The following RBFOX1 variants were observed in gnomAD, a reference collection of about 807,000 sequenced individuals.
RBFOX1 encodes the protein RNA binding fox-1 homolog 1, also known as RNA binding protein fox-1 homolog 1.
In RBFOX1, 8 loss-of-function variants were observed where a neutral mutation model predicts 57.7. The ratio of observed to expected loss-of-function variants is 0.14; its 90% CI spans 0.08 to 0.25. The LOEUF is 0.25. Among genes scored for constraint, RBFOX1 ranks in the 10% least tolerant of loss-of-function variants. The pLI is 1.00. For missense variants in RBFOX1, 611 were observed against 548.5 expected, an observed-to-expected ratio of 1.11 and a Z score of -1.14; for synonymous variants, 326 against 222.4, an observed-to-expected ratio of 1.47 and a Z score of -4.15.
chr16:7,163,605 A>G (rs1252203247), intron 4 of RBFOX1, among the ~76,000 whole-genome samples: 3 of 151,958 alleles, frequency 2.0e-5, no homozygotes, highest in African/African-American at 7.3e-5. Context: ...AGAGCAGAAT[A>G]AGCTGAGGAC....
rs369512786 is a variant in RBFOX1, at chr16:6,880,573, G to A, written c.-15-171484G>A. 1.6e-4 allele frequency among the ~76,000 whole-genome samples: 25 copies of A among 152,260 alleles called. No individual in the cohort carries two copies. The East Asian group carries it at 3.5e-3, about 21-fold the overall frequency. On this transcript the variant is annotated intron_variant, in intron 3 of 15. Coordinates refer to ENST00000550418, the MANE Select transcript of RBFOX1 (RefSeq NM_018723.4). ...AGACACGTGAACTCGGAGAAGGCCA[G>A]AATCTGTTTTTCTTTCTGGACTGTC...
At chr16:7,710,444 A>G (rs1323025107) in intron 15 of RBFOX1, 179 bp from the exon 16 acceptor site, 1 of 1,429,468 alleles carries the variant, frequency 7.0e-7, no homozygotes, top group Non-Finnish European at 9.1e-7. Flanking sequence ...AGGAGGAGCT[A>G]TTGGGGAAGG....
intron 4 of RBFOX1, among the ~76,000 whole-genome samples, chr16:7,309,262 C>G (rs1285908072): frequency 6.6e-6 from 1 of 152,214 alleles, no homozygotes; most frequent in Non-Finnish European, 1.5e-5. Flanking sequence ...AGGTAAGGCC[C>G]ACATTTCAGG....
chr16:7,052,320 T>G (rs1380278552), intron 4 of RBFOX1, among the ~76,000 whole-genome samples: 3 of 152,362 alleles, frequency 2.0e-5, no homozygotes, highest in Middle Eastern at 3.4e-3. Context: ...TTTTTTGATT[T>G]AGATTCAGCA....
At chr16:7,016,873 T>C (rs1568383330) in intron 3 of RBFOX1, among the ~76,000 whole-genome samples, 1 of 152,172 alleles carries the variant, frequency 6.6e-6, no homozygotes, top group Non-Finnish European at 1.5e-5. Context: ...GACTGTTTCT[T>C]TTCTGGCTGT....
intron 1 of RBFOX1, among the ~76,000 whole-genome samples, chr16:5,301,045 T>C (rs2063789477): frequency 6.6e-6 from 1 of 152,184 alleles, no homozygotes; most frequent in Non-Finnish European, 1.5e-5. Flanking sequence ...CCTTGTGTAA[T>C]CTCCTCCCTT....
intron 1 of RBFOX1, among the ~76,000 whole-genome samples, chr16:6,188,739 A>T (rs1458877246): frequency 6.6e-6 from 1 of 152,218 alleles, no homozygotes; most frequent in Non-Finnish European, 1.5e-5. Flanking sequence ...GAACACAGTA[A>T]ATGGGCACCT....
chr16:5,994,126 T>C (rs1340646451), intron 4 of RBFOX1, among the ~76,000 whole-genome samples: 1 of 152,100 alleles, frequency 6.6e-6, no homozygotes, highest in Non-Finnish European at 1.5e-5. Context: ...CCAGCTGTAA[T>C]GGGTGTATTG....
chr16:5,561,132 C>A (rs2045876483), intron 2 of RBFOX1, among the ~76,000 whole-genome samples: 1 of 152,134 alleles, frequency 6.6e-6, no homozygotes, highest in African/African-American at 2.4e-5. Context: ...ATCCTCAGGG[C>A]AGGAGGGGTG....
intron 5 of RBFOX1, among the ~76,000 whole-genome samples, chr16:7,576,780 A>G (rs2093373270): frequency 6.6e-6 from 1 of 152,244 alleles, no homozygotes; most frequent in South Asian, 2.1e-4. Flanking sequence ...GCAGTTATAC[A>G]CAAATCCAAA....
intron 2 of RBFOX1, among the ~76,000 whole-genome samples, chr16:6,600,179 T>C (rs1053134659): frequency 1.3e-5 from 2 of 152,202 alleles, no homozygotes; most frequent in East Asian, 3.9e-4. Flanking sequence ...TATTACTTTT[T>C]GTCTTCTCAA....
intron 4 of RBFOX1, among the ~76,000 whole-genome samples, chr16:7,233,104 A>T (rs2093593752): frequency 6.6e-6 from 1 of 152,092 alleles, no homozygotes; most frequent in Non-Finnish European, 1.5e-5. Context: ...CAATGTACAT[A>T]GGATGCTTTC....
intron 3 of RBFOX1, among the ~76,000 whole-genome samples, chr16:6,947,586 G>C (rs2079816508): frequency 6.6e-6 from 1 of 152,158 alleles, no homozygotes; most frequent in Non-Finnish European, 1.5e-5. Flanking sequence ...CTTGCAGCTT[G>C]CTGCCTCCTG....
Position 5,263,107 on chromosome 16 carries a change from T to C in RBFOX1, c.219+23002T>C, listed in dbSNP as rs1307728281. ...GGTGGTGGTGGTGGTGGGAAACTTG[T>C]AGCATGAATTCTAATTGGGCTTCTG... On this transcript the variant is annotated intron_variant, in intron 1 of 2. Transcript: ENST00000585867. 2.6e-5 allele frequency among the ~76,000 whole-genome samples: 4 copies of C among 152,050 alleles called. No homozygotes were observed. In the East Asian group the frequency reaches 7.7e-4, roughly 29 times the overall value.
intron 2 of RBFOX1, among the ~76,000 whole-genome samples, chr16:5,565,627 C>CATTA (rs1555466589): frequency 7.0e-6 from 1 of 142,756 alleles, no homozygotes; most frequent in Non-Finnish European, 1.5e-5. Flanking sequence ...CTCTGCCTTA[C>CATTA]ATAAATAAAT....
chr16:7,045,686 G>A (rs969361788), intron 3 of RBFOX1, among the ~76,000 whole-genome samples: 5 of 151,650 alleles, frequency 3.3e-5, no homozygotes, highest in East Asian at 2.0e-4. Context: ...ACATTGTCTC[G>A]CTTTGTTGCC....
intron 2 of RBFOX1, among the ~76,000 whole-genome samples, chr16:6,542,826 C>T (rs1226091122): frequency 1.3e-5 from 2 of 152,020 alleles, no homozygotes; most frequent in Admixed American, 6.6e-5. Context: ...CTCTGCCTTC[C>T]TGGGTGCCAC....
Position 6,740,443 on chromosome 16 carries a change from A to T in RBFOX1, c.-16+85793A>T, listed in dbSNP as rs1260894943. 2.0e-5 allele frequency among the ~76,000 whole-genome samples: 3 copies of T among 152,330 alleles called. No individual in the cohort carries two copies. In the South Asian group the frequency reaches 6.2e-4, roughly 32 times the overall value. On this transcript the variant is annotated intron_variant, in intron 3 of 15. Coordinates refer to ENST00000550418, the MANE Select transcript of RBFOX1 (RefSeq NM_018723.4). ...AAAGGCATACAGATTAAAATAAAGAAATAAAACTATCCTTATTAGTGGATT... is the reference window on the plus strand; with the variant it reads ...AAAGGCATACAGATTAAAATAAAGATATAAAACTATCCTTATTAGTGGATT...
chr16:6,999,621 C>G (rs1428357672), intron 3 of RBFOX1, among the ~76,000 whole-genome samples: 2 of 152,028 alleles, frequency 1.3e-5, no homozygotes, highest in African/African-American at 2.4e-5. Flanking sequence ...TGTGGCCAAA[C>G]TTGTTTTGTG....
Sources: gnomAD v4.1 joint callset for allele counts (sites outside exome capture counted in the v4.1 genomes callset) on GRCh38, gnomAD v4.1.1 for gene constraint, MANE v1.5 for transcripts, NCBI Gene and HGNC (gene_info 2026-07-23, HGNC 2026-07-21) for gene names.